Variants in ZFC3H1 observed in about 807,000 individuals in gnomAD.
ZFC3H1 encodes the protein zinc finger C3H1 domain-containing protein.
ZFC3H1 carries 71 observed loss-of-function variants against 243.7 expected under a neutral mutation model. The ratio of observed to expected loss-of-function variants is 0.29; its 90% CI spans 0.24 to 0.36. The LOEUF is 0.36. Ranked by LOEUF, ZFC3H1 falls within the 10% of genes least tolerant of loss-of-function variation. The pLI, the probability that ZFC3H1 is intolerant of heterozygous loss-of-function variation, is 1.00. For synonymous variants in ZFC3H1, 838 were observed against 813.0 expected, an observed-to-expected ratio of 1.03 and a Z score of -0.52; for missense variants, 1,966 against 2,317.1, an observed-to-expected ratio of 0.85 and a Z score of 3.11.
At chr12:71,661,484 C>CTTTTTT (rs10658535) in intron 1 of ZFC3H1, among the ~76,000 whole-genome samples, 11 of 130,856 alleles carry the variant, frequency 8.4e-5, no homozygotes, top group South Asian at 2.5e-4. Context: ...TATAATTTTC[C>CTTTTTT]TTTTTTTTTT....
rs764583818 is a variant in ZFC3H1 at position 71,620,311 on chromosome 12, T to C, written c.4749A>G (p.Ala1583=). The C allele has an allele frequency of 2.5e-6, 4 of 1,614,102 alleles. No individual in the cohort carries two copies. Among genetic ancestry groups the C allele is most frequent in the Non-Finnish European group, 8.5e-7 (1 of 1,179,970 alleles). The change falls in exon 25 of 35, where the codon GCA becomes GCG. Residue 1583 remains alanine (A), a synonymous_variant. Coordinates refer to ENST00000378743, the MANE Select transcript of ZFC3H1 (RefSeq NM_144982.5). Reference sequence around the variant, plus strand: ...GGCTCTCATCTGTGCAAGCTTTCACTGCATCTACCCAAAAACATCACAACA... The same window carrying C: ...GGCTCTCATCTGTGCAAGCTTTCACCGCATCTACCCAAAAACATCACAACA... The part of the protein sequence containing the change: ...PDMLLAVFED[A]VKACTDESLA...
intron 1 of ZFC3H1, chr12:71,660,456 T>C (rs914733973): frequency 4.6e-5 from 7 of 151,404 alleles, no homozygotes; most frequent in African/African-American, 1.7e-4. Context: ...CAAGATATCT[T>C]ATTTATGACA....
intron 7 of ZFC3H1, 103 bp from the exon 8 acceptor site, chr12:71,637,162 AT>A: frequency 9.8e-7 from 1 of 1,020,090 alleles, no homozygotes; most frequent in Non-Finnish European, 1.4e-6. Context: ...TTACATTATT[AT>A]TTTAGCTGTA....
intron 1 of ZFC3H1, among the ~76,000 whole-genome samples, chr12:71,659,810 G>A (rs1434295376): frequency 6.6e-6 from 1 of 152,106 alleles, no homozygotes. Flanking sequence ...ACAAAAAGAA[G>A]TGCTATTCAA....
Position 71,653,589 on chromosome 12 carries a change from T to C in ZFC3H1, c.1015+3296A>G, listed in dbSNP as rs532427608. On this transcript the variant is annotated intron_variant, in intron 2 of 34. Coordinates refer to ENST00000378743, the MANE Select transcript of ZFC3H1 (RefSeq NM_144982.5). ...CAATCAGCACATCACACAGTTCAAC[T>C]ACAGAATATCAAAGACAAAAAGGAT... Among the ~76,000 whole-genome samples the C allele has an allele frequency of 3.9e-5, 6 of 152,266 alleles. No individual in the cohort carries two copies. The South Asian group carries it at 1.0e-3, about 26-fold the overall frequency.
In ZFC3H1 at chr12:71,610,493, T is replaced by C; in HGVS notation, c.5905A>G (p.Ile1969Val). 1.2e-6 allele frequency: 2 copies of C among 1,613,690 alleles called. No individual in the cohort carries two copies. The highest frequency in any genetic ancestry group is 8.5e-7 in the Non-Finnish European group (1 of 1,179,668). Residue 1969 changes from isoleucine to valine, a missense_variant, in exon 35 of 35, where the codon ATT becomes GTT. Ile to Val is a conservative substitution (Grantham distance 29, BLOSUM62 3). Coordinates refer to ENST00000378743, the MANE Select transcript of ZFC3H1 (RefSeq NM_144982.5). ...AAGAGCTCATTTAGGCTGACTCCAA[T>C]CTCTTGGCACTTGGAAACTAGTTTT... ...LRKLVSKCQE[I>V]GVSLNELLNL...
At chr12:71,623,731 C>T (rs1260363188) in intron 23 of ZFC3H1, 134 bp from the exon 24 acceptor site, 6 of 658,026 alleles carry the variant, frequency 9.1e-6, no homozygotes, top group Non-Finnish European at 1.5e-5. Context: ...TGTCCTGATA[C>T]TTAAAATCTA....
Position 71,663,660 on chromosome 12 carries a change from G to C in ZFC3H1, c.-50C>G. The C allele has an allele frequency of 6.4e-7, 1 of 1,562,808 alleles. No individual in the cohort carries two copies. The highest frequency in any genetic ancestry group is 1.2e-5 in the South Asian group (1 of 86,282). ...ACCTTAGCCCTCCGTCCGGGGATCCGCCCGACAATTGCCTCGTTTCCCTTC... is the reference window on the plus strand; with the variant it reads ...ACCTTAGCCCTCCGTCCGGGGATCCCCCCGACAATTGCCTCGTTTCCCTTC... On this transcript the variant is annotated 5_prime_UTR_variant, in exon 1 of 35. Transcript: ENST00000378743.
At chr12:71,643,975 ACCTT>A (rs1880663357) in intron 5 of ZFC3H1, 116 bp downstream of exon 5, 1 of 851,128 alleles carries the variant, frequency 1.2e-6, no homozygotes, top group Admixed American at 3.0e-5. Flanking sequence ...ATTATAACCT[ACCTT>A]CCTTTTTTCC....
At chr12:71,638,853 T>A (rs1880532504) in intron 6 of ZFC3H1, among the ~76,000 whole-genome samples, 1 of 152,148 alleles carries the variant, frequency 6.6e-6, no homozygotes, top group African/African-American at 2.4e-5. Flanking sequence ...GCATATTTTT[T>A]AAGAAATAAT....
intron 6 of ZFC3H1, among the ~76,000 whole-genome samples, chr12:71,640,514 AC>A (rs1413344231): frequency 1.3e-5 from 2 of 152,214 alleles, no homozygotes; most frequent in Non-Finnish European, 2.9e-5. Flanking sequence ...CTGCTCTGGG[AC>A]CACCAGTGGT....
Position 71,619,379 on chromosome 12 carries a change from G to A in ZFC3H1, c.5080C>T (p.Arg1694Trp), listed in dbSNP as rs367811824. 3.0e-5 allele frequency: 48 copies of A among 1,613,136 alleles called. No homozygotes were observed. Among genetic ancestry groups the A allele is most frequent in the East Asian group, 2.5e-4 (11 of 44,796 alleles). The change falls in exon 27 of 35, where the codon CGG (arginine) becomes TGG (tryptophan). Residue 1694 changes from arginine (R) to tryptophan (W), a missense_variant. Arg to Trp is a moderately radical substitution (Grantham distance 101). Coordinates refer to ENST00000378743, the MANE Select transcript of ZFC3H1 (RefSeq NM_144982.5). ...TTAAAGAAGGATGCAATAAATTTCCGCAAAAATGGAAGAAGATTATCGCCT... is the reference window on the plus strand; with the variant it reads ...TTAAAGAAGGATGCAATAAATTTCCACAAAAATGGAAGAAGATTATCGCCT... ...NRGDNLLPFL[R>W]KFIASFFKPG...
In ZFC3H1 at chr12:71,614,651, G is replaced by C; in HGVS notation, c.5410C>G (p.Gln1804Glu). 1 of 1,612,642 alleles carries C rather than the reference G, an allele frequency of 6.2e-7. No individual in the cohort carries two copies. Among genetic ancestry groups the C allele is most frequent in the Non-Finnish European group, 8.5e-7 (1 of 1,179,456 alleles). The change falls in exon 30 of 35, where the codon CAA (glutamine) becomes GAA (glutamate). Residue 1804 changes from glutamine (Q) to glutamate (E), a missense_variant. Coordinates refer to ENST00000378743, the MANE Select transcript of ZFC3H1 (RefSeq NM_144982.5). ...NRAAGSRNKV[Q>E]EFKFFTDLVN... ...AAATCAGTAAAAAATTTGAATTCTT[G>C]AACTTTGTTTCTGGATCCAGCAGCT... is the stretch of plus-strand genomic sequence containing the variant.
At chr12:71,629,059 T>C (rs1188297851) in intron 19 of ZFC3H1, 22 bp from the exon 20 acceptor site, 3 of 1,572,798 alleles carry the variant, frequency 1.9e-6, no homozygotes, top group Admixed American at 2.0e-5. Context: ...AGGAGAAGAT[T>C]GTTAATTGAT....
At chr12:71,661,522 G>A (rs762846294) in intron 1 of ZFC3H1, among the ~76,000 whole-genome samples, 7 of 125,036 alleles carry the variant, frequency 5.6e-5, no homozygotes, top group African/African-American at 9.3e-5. Context: ...TCGCTTTACC[G>A]CCCAGGATGG....
chr12:71,643,893 A>C (rs1592597942), intron 5 of ZFC3H1, among the ~76,000 whole-genome samples: 1 of 152,360 alleles, frequency 6.6e-6, no homozygotes, highest in Non-Finnish European at 1.5e-5. Flanking sequence ...ACCTAAAAGC[A>C]GTCTCTGCTA....
intron 1 of ZFC3H1, among the ~76,000 whole-genome samples, chr12:71,658,282 A>ATTTTTTTTTTTTTTTTTTTTTTT (rs11454442): frequency 2.2e-5 from 2 of 92,800 alleles, no homozygotes; most frequent in African/African-American, 4.4e-5. Context: ...TCATTTATAG[A>ATTTTTTTTTTTTTTTTTTTTTTT]TTTTTTTTTT....
At chr12:71,656,708 T>C in intron 2 of ZFC3H1, 177 bp downstream of exon 2, 1 of 669,368 alleles carries the variant, frequency 1.5e-6, no homozygotes, top group Non-Finnish European at 2.4e-6. Flanking sequence ...AATAAATAAA[T>C]AAAGACTAAA....
intron 7 of ZFC3H1, 47 bp from the exon 8 acceptor site, chr12:71,637,106 C>T (rs1880483413): frequency 1.3e-6 from 2 of 1,493,500 alleles, no homozygotes; most frequent in Admixed American, 3.9e-5. Flanking sequence ...TTTATCAACT[C>T]AAATGCTTCT....
Sources: allele counts gnomAD v4.1 joint callset (sites outside exome capture counted in the v4.1 genomes callset), GRCh38; gene constraint gnomAD v4.1.1; transcripts MANE v1.5; gene names NCBI Gene and HGNC (gene_info 2026-07-23, HGNC 2026-07-21).